LEKR1: variants seen among roughly 807,000 people sequenced by gnomAD.
LEKR1 encodes the protein protein LEKR1.
In LEKR1, 59 loss-of-function variants were observed where a neutral mutation model predicts 72.4. The observed-to-expected ratio is 0.82, with a 90% CI of 0.66 to 1.01. The LOEUF is 1.01. LEKR1 is among the 50% of genes least tolerant of loss of function. The probability of loss-of-function intolerance (pLI) is 0.00; values close to 1 mark genes in which losing one functional copy is unlikely to be tolerated. For synonymous variants in LEKR1, 257 were observed against 263.2 expected (o/e 0.98, Z 0.23); for missense variants, 728 against 759.2 (o/e 0.96, Z 0.48).
intron 4 of LEKR1, among the ~76,000 whole-genome samples, chr3:156,923,111 C>G (rs983728017): frequency 2.0e-5 from 3 of 152,118 alleles, no homozygotes; most frequent in Non-Finnish European, 4.4e-5. Flanking sequence ...TATCCTTGAT[C>G]CCATAGTTTA....
intron 3 of LEKR1, among the ~76,000 whole-genome samples, chr3:156,868,216 C>G (rs1197412454): frequency 6.6e-6 from 1 of 152,100 alleles, no homozygotes; most frequent in Non-Finnish European, 1.5e-5. Flanking sequence ...GCTTAGAGAA[C>G]TGTGAAAGGC....
At chr3:156,983,620 A>T (rs902455229) in intron 7 of LEKR1, among the ~76,000 whole-genome samples, 1 of 151,698 alleles carries the variant, frequency 6.6e-6, no homozygotes. Flanking sequence ...GCCCCTCATC[A>T]ATACCCTACA....
At chr3:156,841,183 C>T (rs1479347511) in intron 2 of LEKR1, among the ~76,000 whole-genome samples, 2 of 152,178 alleles carry the variant, frequency 1.3e-5, no homozygotes, top group Non-Finnish European at 2.9e-5. Context: ...GGTGGTGAAA[C>T]TGGAGTTGCC....
intron 12 of LEKR1, among the ~76,000 whole-genome samples, chr3:157,041,715 A>G (rs575934491): frequency 1.3e-5 from 2 of 151,960 alleles, no homozygotes; most frequent in Non-Finnish European, 2.9e-5. Context: ...TATTTTTGCC[A>G]TGTTAAAATA....
chr3:157,025,782 T>C (rs1490521106), intron 11 of LEKR1, among the ~76,000 whole-genome samples: 1 of 152,108 alleles, frequency 6.6e-6, no homozygotes, highest in African/African-American at 2.4e-5. Context: ...TCCTAGCACT[T>C]TGAGAGGCCC....
At chr3:156,857,136 T>C (rs1334398261) in intron 3 of LEKR1, among the ~76,000 whole-genome samples, 1 of 152,158 alleles carries the variant, frequency 6.6e-6, no homozygotes, top group East Asian at 1.9e-4. Context: ...GACTATTGAA[T>C]TTTAATAAAT....
intron 6 of LEKR1, among the ~76,000 whole-genome samples, chr3:156,968,252 C>T (rs1728814093): frequency 6.6e-6 from 1 of 152,156 alleles, no homozygotes; most frequent in South Asian, 2.1e-4. Context: ...ATCATAATGA[C>T]AGGATCAATT....
At chr3:156,892,047 A>C (rs1049288616) in intron 3 of LEKR1, among the ~76,000 whole-genome samples, 13 of 152,156 alleles carry the variant, frequency 8.5e-5, no homozygotes, top group South Asian at 2.1e-4. Context: ...CCGCTACCAA[A>C]AAAAAAAATC....
chr3:157,029,157 G>A (rs2108037845), intron 12 of LEKR1, among the ~76,000 whole-genome samples: 1 of 152,218 alleles, frequency 6.6e-6, no homozygotes, highest in East Asian at 1.9e-4. Flanking sequence ...AGGCATAAAA[G>A]GAAAGTGCTA....
intron 2 of LEKR1, among the ~76,000 whole-genome samples, chr3:156,829,653 G>A (rs752097075): frequency 2.4e-4 from 36 of 152,156 alleles, no homozygotes; most frequent in Non-Finnish European, 2.1e-4. Flanking sequence ...CATCAGAAAC[G>A]TCCATGTGTG....
chr3:156,835,931 T>C (rs1025504191), intron 2 of LEKR1, among the ~76,000 whole-genome samples: 16 of 133,182 alleles, frequency 1.2e-4, no homozygotes, highest in African/African-American at 4.1e-4. Flanking sequence ...TGGAGTGCAG[T>C]GGTGCAATCT....
chr3:156,860,242 T>A (rs1384503209), intron 3 of LEKR1, among the ~76,000 whole-genome samples: 1 of 152,156 alleles, frequency 6.6e-6, no homozygotes, highest in Non-Finnish European at 1.5e-5. Flanking sequence ...AAGAAGGTAA[T>A]TGGTTAAATT....
intron 6 of LEKR1, among the ~76,000 whole-genome samples, chr3:156,950,312 C>T (rs1311215727): frequency 6.6e-6 from 1 of 151,436 alleles, no homozygotes; most frequent in Non-Finnish European, 1.5e-5. Flanking sequence ...ATTTCCTTGG[C>T]TATTCTGGCT....
intron 5 of LEKR1, among the ~76,000 whole-genome samples, chr3:156,930,641 ACAAT>A (rs1225153717): frequency 2.0e-5 from 3 of 152,194 alleles, no homozygotes; most frequent in Non-Finnish European, 2.9e-5. Context: ...AAGTATTCAA[ACAAT>A]CCAAAAAATG....
chr3:156,975,768 C>A (rs1333117985), intron 6 of LEKR1, among the ~76,000 whole-genome samples: 1 of 152,178 alleles, frequency 6.6e-6, no homozygotes, highest in East Asian at 1.9e-4. Flanking sequence ...GCAAAGAACA[C>A]AGTCACATCA....
intron 12 of LEKR1, among the ~76,000 whole-genome samples, chr3:157,042,416 T>C (rs1735418256): frequency 6.6e-6 from 1 of 152,210 alleles, no homozygotes; most frequent in Non-Finnish European, 1.5e-5. Context: ...TGGTGGAAAC[T>C]ATAATCTGAT....
At chr3:156,844,832 A>G (rs1248795007) in intron 2 of LEKR1, among the ~76,000 whole-genome samples, 1 of 150,712 alleles carries the variant, frequency 6.6e-6, no homozygotes, top group African/African-American at 2.4e-5. Context: ...ACATTCATTT[A>G]TGTGAACATA....
chr3:156,979,255 C>CA lies in LEKR1; in HGVS notation c.809dup (p.Asn270LysfsTer3). 7.8e-7 allele frequency: 1 copy of CA among 1,283,896 alleles called. No individual in the cohort carries two copies. Among genetic ancestry groups the CA allele is most frequent in the African/African-American group, 1.5e-5 (1 of 65,814 alleles). 79.5% of individuals were successfully genotyped at this position (1,283,896 alleles called of 1,614,324 possible). Reference sequence around the variant, plus strand: ...TTCAGAAGGCGGTGACAGAGATGGACAACTATAAAGAAATGCTTATGTAAG... The same window carrying CA: ...TTCAGAAGGCGGTGACAGAGATGGACAAACTATAAAGAAATGCTTATGTAAG... On this transcript the variant is annotated frameshift_variant, in exon 7 of 13. Transcript: ENST00000356539. LOFTEE classifies it high-confidence loss of function.
intron 5 of LEKR1, among the ~76,000 whole-genome samples, chr3:156,937,984 G>A (rs1418697116): frequency 6.6e-6 from 1 of 152,128 alleles, no homozygotes; most frequent in Non-Finnish European, 1.5e-5. Context: ...GTAGATAACA[G>A]ATTAGTGGTA....
Sources: gnomAD v4.1 joint callset for allele counts (sites outside exome capture counted in the v4.1 genomes callset) on GRCh38, gnomAD v4.1.1 for gene constraint, MANE v1.5 for transcripts, NCBI Gene and HGNC (gene_info 2026-07-23, HGNC 2026-07-21) for gene names.